The following PHKA2 variants were observed in gnomAD, a reference collection of about 807,000 sequenced individuals.
PHKA2 encodes phosphorylase kinase regulatory subunit alpha 2.
PHKA2 carries 31 observed loss-of-function variants against 102.0 expected under a neutral mutation model. The observed-to-expected ratio is 0.30, with a 90% CI of 0.23 to 0.41. The LOEUF (loss-of-function observed/expected upper bound fraction) is 0.41, where lower values mean the gene tolerates loss of function less well. Ranked by LOEUF, PHKA2 falls within the 10% of genes least tolerant of loss-of-function variation. PHKA2 has a pLI of 1.00. For missense variants in PHKA2, 858 were observed against 1,023.1 expected (o/e 0.84, Z 2.20); for synonymous variants, 455 against 416.2 (o/e 1.09, Z -1.13).
chrX:18,965,407 G>C (rs2048925451), intron 1 of PHKA2, among the ~76,000 whole-genome samples: 1 of 111,788 alleles, frequency 8.9e-6, no homozygotes, highest in Non-Finnish European at 1.9e-5. Flanking sequence ...CAGCTGAACA[G>C]GGGTATTACA....
chrX:18,966,042 G>A (rs1358306488), intron 1 of PHKA2, among the ~76,000 whole-genome samples: 2 of 104,182 alleles, frequency 1.9e-5, no homozygotes, highest in African/African-American at 3.6e-5. Flanking sequence ...AATTGACCTT[G>A]AAAAAGGTCC....
At chrX:18,929,379 A>G (rs2048276603) in intron 12 of PHKA2, 73 bp from the exon 13 acceptor site, 2 of 736,943 alleles carry the variant, frequency 2.7e-6, no homozygotes, top group Non-Finnish European at 4.2e-6. Flanking sequence ...AAGTGTGAAA[A>G]TGAAATATTT....
intron 1 of PHKA2, among the ~76,000 whole-genome samples, chrX:18,960,494 A>C (rs2048851872): frequency 8.9e-6 from 1 of 111,804 alleles, no homozygotes; most frequent in Admixed American, 9.5e-5. Context: ...GGAAGCAGGC[A>C]CTTCACATGG....
In PHKA2 at chrX:18,893,310, CTG is replaced by C; in HGVS notation, c.*173_*174del. On this transcript the variant is annotated 3_prime_UTR_variant, in exon 33 of 33. Transcript: ENST00000379942. ...AACACAGGACTCCTCAGCTCTATCT[CTG>C]TGGCTTTAACATACATCAGTTTCAG... 1 of 515,534 alleles carries C rather than the reference CTG, an allele frequency of 1.9e-6. No individual in the cohort carries two copies. Among genetic ancestry groups the C allele is most frequent in the Non-Finnish European group, 3.4e-6 (1 of 292,628 alleles). 42.5% of individuals were successfully genotyped at this position (515,534 alleles called of 1,213,427 possible).
At chrX:18,983,768 A>G in intron 1 of PHKA2, 87 bp downstream of exon 1, 14 of 783,883 alleles carry the variant, frequency 1.8e-5, no homozygotes, top group Non-Finnish European at 2.6e-5. Context: ...GCAAGGTCTC[A>G]GGTCACAAGA....
At chrX:18,958,193 A>T (rs1390013330) in intron 1 of PHKA2, among the ~76,000 whole-genome samples, 2 of 111,352 alleles carry the variant, frequency 1.8e-5, no homozygotes, top group African/African-American at 6.5e-5. Flanking sequence ...GGATGGTGGG[A>T]TCATATGATA....
intron 21 of PHKA2, 79 bp downstream of exon 21, chrX:18,908,722 G>A (rs1434929002): frequency 1.8e-5 from 16 of 900,058 alleles, no homozygotes; most frequent in Non-Finnish European, 2.6e-5. Flanking sequence ...GGAACTGTGA[G>A]AAATTCATTT....
intron 9 of PHKA2, 85 bp downstream of exon 9, chrX:18,939,910 T>C: frequency 1.4e-6 from 1 of 692,225 alleles, no homozygotes; most frequent in South Asian, 2.2e-5. Flanking sequence ...AACATAAAAT[T>C]ATAATCAGCA....
At chrX:18,952,063 T>G (rs1033751769) in intron 3 of PHKA2, among the ~76,000 whole-genome samples, 5 of 107,640 alleles carry the variant, frequency 4.6e-5, no homozygotes, top group African/African-American at 1.7e-4. Flanking sequence ...AAAGAGAAGG[T>G]AGCTGGGCAT....
chrX:18,904,486 C>G (rs181296101), intron 26 of PHKA2, among the ~76,000 whole-genome samples: 1 of 112,626 alleles, frequency 8.9e-6, no homozygotes, highest in African/African-American at 3.2e-5. Context: ...TTCATAGCAT[C>G]TATAGCTGTA....
At chrX:18,979,140 C>T (rs1302114755) in intron 1 of PHKA2, among the ~76,000 whole-genome samples, 1 of 111,325 alleles carries the variant, frequency 9.0e-6, no homozygotes, top group Admixed American at 9.5e-5. Flanking sequence ...TCTCAAAAAA[C>T]AAACAAACAA....
chrX:18,948,514 A>C (rs1190542895), intron 5 of PHKA2, among the ~76,000 whole-genome samples: 1 of 112,165 alleles, frequency 8.9e-6, no homozygotes, highest in African/African-American at 3.2e-5. Flanking sequence ...AAATATAACA[A>C]GCATAATGGA....
chrX:18,906,686 T>C, intron 24 of PHKA2, 50 bp downstream of exon 24: 1 of 1,181,739 alleles, frequency 8.5e-7, no homozygotes, highest in Non-Finnish European at 1.2e-6. Flanking sequence ...AAGGGTCCCC[T>C]CCACTCTGAG....
rs776841770 is a variant in PHKA2, at chrX:18,924,185, G to A, written c.1715-51C>T. On this transcript the variant is annotated intron_variant, in intron 16 of 32. Transcript: ENST00000379942. ...TTTAGTCTGGGCAGACTTTTTTTCC[G>A]TTATGCACTGAAACATTTTCATCAA... 6.4e-5 allele frequency: 62 copies of A among 975,660 alleles called. No homozygotes were observed. The South Asian group carries it at 8.7e-4, about 14-fold the overall frequency. The allele number at this position is 975,660 out of a possible 1,213,427, so 80.4% of individuals were successfully genotyped here. A position where few individuals can be genotyped will look rare whatever the true frequency, so the allele number is the denominator to read the frequency against.
intron 17 of PHKA2, among the ~76,000 whole-genome samples, chrX:18,921,571 T>C (rs1180604384): frequency 8.9e-6 from 1 of 112,585 alleles, no homozygotes; most frequent in Non-Finnish European, 1.9e-5. Context: ...AATCATATAC[T>C]AAATTATAAC....
At chrX:18,969,027 T>C (rs981796732) in intron 1 of PHKA2, among the ~76,000 whole-genome samples, 3 of 110,689 alleles carry the variant, frequency 2.7e-5, no homozygotes, top group African/African-American at 6.6e-5. Flanking sequence ...TGAGGCAGAA[T>C]TGCTTGAACC....
Position 18,918,720 on chromosome X carries a change from G to T in PHKA2, c.2098C>A (p.Leu700Ile). ...FSAIHSTRDILSVMAKAKGLE... is the reference protein window; with the variant it reads ...FSAIHSTRDIISVMAKAKGLE... ...CCCTTTGCTTTTGCCATCACAGAAA[G>T]TATGTCCCGCGTGGAGTGGATAGCA... The change falls in exon 19 of 33, where the codon CTT (leucine) becomes ATT (isoleucine). Residue 700 changes from leucine to isoleucine, a missense_variant. Around this residue, in one of 2 missense-constraint regions of PHKA2, gnomAD observed 671 missense variants for 745.2 expected, o/e 0.90. Coordinates refer to ENST00000379942, the MANE Select transcript of PHKA2 (RefSeq NM_000292.3). The T allele has an allele frequency of 8.3e-7, 1 of 1,211,085 alleles. No homozygotes were observed. Among genetic ancestry groups the T allele is most frequent in the South Asian group, 1.8e-5 (1 of 56,987 alleles).
intron 15 of PHKA2, 62 bp from the exon 16 acceptor site, chrX:18,924,587 C>A: frequency 9.3e-7 from 1 of 1,072,585 alleles, no homozygotes; most frequent in Non-Finnish European, 1.3e-6. Flanking sequence ...CACCAGCTGA[C>A]AACTCAGGTC....
At chrX:18,927,499 G>A (rs951806748) in intron 13 of PHKA2, among the ~76,000 whole-genome samples, 3 of 112,272 alleles carry the variant, frequency 2.7e-5, no homozygotes, top group Non-Finnish European at 5.6e-5. Flanking sequence ...TCAGGGCAGC[G>A]CAGGATTGGC....
Sources: allele counts gnomAD v4.1 joint callset (sites outside exome capture counted in the v4.1 genomes callset), GRCh38; gene constraint gnomAD v4.1.1; regional missense constraint gnomAD v4.1.1; transcripts MANE v1.5; gene names NCBI Gene and HGNC (gene_info 2026-07-23, HGNC 2026-07-21).